MRPS9: variants seen among roughly 807,000 people sequenced by gnomAD.
The protein encoded by MRPS9 is mitochondrial ribosomal protein S9.
In MRPS9, 45 loss-of-function variants were observed where a neutral mutation model predicts 59.9. The observed-to-expected ratio is 0.75, with a 90% CI of 0.59 to 0.96. The LOEUF (loss-of-function observed/expected upper bound fraction) is 0.96, where lower values mean the gene tolerates loss of function less well. Among genes scored for constraint, MRPS9 ranks in the 40% least tolerant of loss-of-function variants. The pLI, the probability that MRPS9 is intolerant of heterozygous loss-of-function variation, is 0.00. For synonymous variants in MRPS9, 171 were observed against 166.8 expected, an observed-to-expected ratio of 1.03 and a Z score of -0.19; for missense variants, 473 against 481.1, an observed-to-expected ratio of 0.98 and a Z score of 0.16.
At chr2:105,080,349 G>A (rs979690442) in intron 5 of MRPS9, among the ~76,000 whole-genome samples, 2 of 152,166 alleles carry the variant, frequency 1.3e-5, no homozygotes, top group Non-Finnish European at 2.9e-5. Flanking sequence ...GTGTGTACAT[G>A]TGCTTCCAGG....
chr2:105,070,145 T>C (rs1349621163), intron 2 of MRPS9, among the ~76,000 whole-genome samples: 2 of 152,186 alleles, frequency 1.3e-5, no homozygotes, highest in Non-Finnish European at 2.9e-5. Context: ...TTTGTTTGTT[T>C]ATTTTGCACT....
intron 2 of MRPS9, among the ~76,000 whole-genome samples, chr2:105,053,028 C>A (rs368675901): frequency 1.3e-5 from 2 of 152,168 alleles, no homozygotes; most frequent in Admixed American, 6.5e-5. Context: ...TCCCAAAGTG[C>A]TGGGAGATTA....
intron 2 of MRPS9, among the ~76,000 whole-genome samples, chr2:105,053,341 C>T (rs73945013): frequency 0.21 from 31,466 of 152,036 alleles, 3,336 homozygotes; most frequent in Middle Eastern, 0.35. Flanking sequence ...AGTCTAGGCT[C>T]ACTATAATTT....
chr2:105,071,136 A>AT (rs1469523940), intron 2 of MRPS9, among the ~76,000 whole-genome samples, 177 bp from the exon 3 acceptor site: 2 of 152,182 alleles, frequency 1.3e-5, no homozygotes, highest in Non-Finnish European at 2.9e-5. Context: ...TAATAGTTAA[A>AT]TTTTTTTCTT....
chr2:105,072,276 TGCATCATC>T (rs1680129277), intron 4 of MRPS9, among the ~76,000 whole-genome samples: 1 of 152,250 alleles, frequency 6.6e-6, no homozygotes, highest in Non-Finnish European at 1.5e-5. Flanking sequence ...ATGCTGCTGA[TGCATCATC>T]GCAGTCTTTC....
At chr2:105,088,178 G>A (rs1680487369) in intron 5 of MRPS9, among the ~76,000 whole-genome samples, 1 of 151,534 alleles carries the variant, frequency 6.6e-6, no homozygotes, top group African/African-American at 2.4e-5. Flanking sequence ...TCTGCTCATT[G>A]GGTATTAGTA....
chr2:105,071,312 G>T lies in MRPS9; in HGVS notation c.316-1G>T. 1 of 1,608,928 alleles carries T rather than the reference G, an allele frequency of 6.2e-7. No homozygotes were observed. The highest frequency in any genetic ancestry group is 1.1e-5 in the South Asian group (1 of 90,078). The stretch of plus-strand genomic sequence containing the variant: ...TAACTAACCTTTGTGTATATTTTCA[G>T]AGAGCTATTGCTTACCTTTTCCCAA... On this transcript the variant is annotated splice_acceptor_variant, in intron 2 of 10. Coordinates refer to ENST00000258455, the MANE Select transcript of MRPS9 (RefSeq NM_182640.3). LOFTEE classifies it high-confidence loss of function.
intron 2 of MRPS9, among the ~76,000 whole-genome samples, chr2:105,057,391 T>C (rs1052302984): frequency 1.8e-4 from 28 of 152,220 alleles, no homozygotes; most frequent in Non-Finnish European, 1.3e-4. Context: ...GTAAAAATTT[T>C]TTTTTGGCTG....
chr2:105,041,847 G>A (rs1200393987), intron 1 of MRPS9, among the ~76,000 whole-genome samples: 1 of 152,140 alleles, frequency 6.6e-6, no homozygotes, highest in African/African-American at 2.4e-5. Flanking sequence ...GGATAGAATT[G>A]AGTGTGTTCC....
intron 2 of MRPS9, among the ~76,000 whole-genome samples, chr2:105,057,593 G>A (rs1679818582): frequency 6.6e-6 from 1 of 152,174 alleles, no homozygotes; most frequent in South Asian, 2.1e-4. Flanking sequence ...GGTGAGGAGT[G>A]CAGCAAGTGC....
chr2:105,076,786 A>G (rs1005504645), intron 4 of MRPS9, among the ~76,000 whole-genome samples: 1 of 152,258 alleles, frequency 6.6e-6, no homozygotes, highest in Non-Finnish European at 1.5e-5. Context: ...TTTCTCTTTG[A>G]CAAAGACACT....
At chr2:105,048,367 G>A (rs1679637041) in intron 1 of MRPS9, among the ~76,000 whole-genome samples, 1 of 151,546 alleles carries the variant, frequency 6.6e-6, no homozygotes, top group East Asian at 1.9e-4. Context: ...TGGGGGGAGG[G>A]GAGAGGGATA....
chr2:105,067,714 C>A (rs1158199266), intron 2 of MRPS9, among the ~76,000 whole-genome samples: 1 of 149,336 alleles, frequency 6.7e-6, no homozygotes, highest in African/African-American at 2.5e-5. Context: ...AAGTAGCTTT[C>A]TTTTTCTTCT....
At chr2:105,043,047 GT>G (rs1184676881) in intron 1 of MRPS9, among the ~76,000 whole-genome samples, 1 of 151,480 alleles carries the variant, frequency 6.6e-6, no homozygotes, top group Non-Finnish European at 1.5e-5. Context: ...TAACATAAAG[GT>G]TTTTTTAAAA....
intron 4 of MRPS9, among the ~76,000 whole-genome samples, chr2:105,079,056 G>C (rs1193944477): frequency 6.6e-6 from 1 of 152,058 alleles, no homozygotes; most frequent in Non-Finnish European, 1.5e-5. Flanking sequence ...GGAAATTAGG[G>C]AGAAAATGCC....
intron 8 of MRPS9, 57 bp from the exon 9 acceptor site, chr2:105,093,473 T>G (rs1480109667): frequency 2.0e-6 from 2 of 987,808 alleles, no homozygotes; most frequent in African/African-American, 3.3e-5. Flanking sequence ...TAGTTTTACC[T>G]GTCTCAAAGC....
intron 5 of MRPS9, among the ~76,000 whole-genome samples, chr2:105,082,984 A>G (rs186528940): frequency 2.6e-4 from 39 of 152,326 alleles, no homozygotes; most frequent in African/African-American, 7.5e-4. Context: ...GAGTTTCTCA[A>G]TGCATCATTG....
At position 105,049,367 on chromosome 2, in the gene MRPS9, T is replaced by C; in HGVS notation, c.315+17T>C. On this transcript the variant is annotated intron_variant, in intron 2 of 10. Coordinates refer to ENST00000258455, the MANE Select transcript of MRPS9 (RefSeq NM_182640.3). Reference sequence around the variant, plus strand: ...GATATTGACGTAAGTACAGTTACTCTGTTGAAAAAGTAATTGCTGTAGAGT... The same window carrying C: ...GATATTGACGTAAGTACAGTTACTCCGTTGAAAAAGTAATTGCTGTAGAGT... 2 of 1,592,740 alleles carry C rather than the reference T, an allele frequency of 1.3e-6. No homozygotes were observed. The highest frequency in any genetic ancestry group is 1.4e-5 in the African/African-American group (1 of 73,436).
chr2:105,065,068 A>G (rs1484274891), intron 2 of MRPS9, among the ~76,000 whole-genome samples: 1 of 152,254 alleles, frequency 6.6e-6, no homozygotes, highest in Non-Finnish European at 1.5e-5. Context: ...GAATGAGGTC[A>G]GGAGCCATAT....
Sources: allele counts gnomAD v4.1 joint callset (sites outside exome capture counted in the v4.1 genomes callset), GRCh38; gene constraint gnomAD v4.1.1; transcripts MANE v1.5; gene names NCBI Gene and HGNC (gene_info 2026-07-23, HGNC 2026-07-21).